Variants in SRGAP3 observed in about 807,000 individuals in gnomAD.
The protein encoded by SRGAP3 is SLIT-ROBO Rho GTPase activating protein 3.
SRGAP3 carries 39 observed loss-of-function variants against 121.1 expected under a neutral mutation model. The observed-to-expected ratio is 0.32, with a 90% CI of 0.25 to 0.42. The LOEUF (loss-of-function observed/expected upper bound fraction) is 0.42. Ranked by LOEUF, SRGAP3 falls within the 10% of genes least tolerant of loss-of-function variation. SRGAP3 has a pLI of 1.00. For synonymous variants in SRGAP3, 601 were observed against 570.0 expected (o/e 1.05, Z -0.77); for missense variants, 1,213 against 1,470.6 (o/e 0.82, Z 2.86).
chr3:9,283,192 T>C (rs1474991441), intron 3 of SRGAP3, among the ~76,000 whole-genome samples: 1 of 152,050 alleles, frequency 6.6e-6, no homozygotes, highest in Non-Finnish European at 1.5e-5. Context: ...CCACCCCCCC[T>C]CGGCCTCCCA....
intron 1 of SRGAP3, among the ~76,000 whole-genome samples, chr3:9,187,574 G>A (rs1354009623): frequency 6.6e-6 from 1 of 152,170 alleles, no homozygotes; most frequent in Non-Finnish European, 1.5e-5. Flanking sequence ...TAAGAAGTCA[G>A]CCACTGTCTC....
chr3:9,040,109 G>C (rs1330491505), intron 10 of SRGAP3, among the ~76,000 whole-genome samples: 1 of 152,112 alleles, frequency 6.6e-6, no homozygotes, highest in African/African-American at 2.4e-5. Flanking sequence ...CTTAGTCCAT[G>C]CCATGCTTGT....
chr3:9,310,464 G>A (rs1030635521), intron 3 of SRGAP3, among the ~76,000 whole-genome samples: 1 of 152,162 alleles, frequency 6.6e-6, no homozygotes, highest in African/African-American at 2.4e-5. Flanking sequence ...TGACCACAGA[G>A]ACTGGCTTAG....
At chr3:9,042,971 T>C (rs934341161) in intron 10 of SRGAP3, among the ~76,000 whole-genome samples, 19 of 152,128 alleles carry the variant, frequency 1.2e-4, no homozygotes, top group Admixed American at 6.5e-5. Context: ...TTTCCCTGGT[T>C]TTTCACTTGG....
intron 3 of SRGAP3, among the ~76,000 whole-genome samples, chr3:9,258,970 T>A (rs115702394): frequency 2.2e-4 from 34 of 152,336 alleles, no homozygotes; most frequent in African/African-American, 7.7e-4. Flanking sequence ...AAGAGTTGAA[T>A]GCACGCTCCT....
chr3:9,206,514 C>T (rs557253032), intron 1 of SRGAP3, among the ~76,000 whole-genome samples: 1 of 152,330 alleles, frequency 6.6e-6, no homozygotes, highest in African/African-American at 2.4e-5. Context: ...GGTTATGGCC[C>T]CTCGATGCCT....
intron 3 of SRGAP3, among the ~76,000 whole-genome samples, chr3:9,256,196 C>G (rs1160036084): frequency 6.6e-6 from 1 of 152,224 alleles, no homozygotes; most frequent in Non-Finnish European, 1.5e-5. Context: ...CCAAGGTCCT[C>G]TGGCTTTCTA....
rs189375088 is a variant in SRGAP3 at position 9,303,268 on chromosome 3, T to C, written n.442+22742A>G. Among the ~76,000 whole-genome samples the C allele has an allele frequency of 6.9e-3, 1,053 of 152,004 alleles. 19 individuals are homozygous for C. Among genetic ancestry groups the C allele is most frequent in the African/African-American group, 0.024 (995 of 41,458 alleles). ...GGTAAAACCCCATCTCTACTAAAAG[T>C]ACGCAAATTAGCTGGGCATGGTGGC... On this transcript the variant is annotated intron_variant and non_coding_transcript_variant, in intron 3 of 3. Coordinates refer to the SRGAP3 transcript ENST00000490889.
chr3:9,346,043 T>C (rs932336700), intron 1 of SRGAP3, among the ~76,000 whole-genome samples: 3 of 152,198 alleles, frequency 2.0e-5, no homozygotes, highest in African/African-American at 4.8e-5. Flanking sequence ...CATTATTAAC[T>C]GTAATTAAAA....
intron 1 of SRGAP3, among the ~76,000 whole-genome samples, chr3:9,246,517 C>A (rs1283240484): frequency 6.6e-6 from 1 of 152,148 alleles, no homozygotes; most frequent in African/African-American, 2.4e-5. Flanking sequence ...GGAACACAAG[C>A]CTGGGAGAAA....
At chr3:9,228,909 A>G (rs573678491) in intron 1 of SRGAP3, among the ~76,000 whole-genome samples, 49 of 151,692 alleles carry the variant, frequency 3.2e-4, no homozygotes, top group African/African-American at 1.1e-3. Flanking sequence ...AAAAATACAA[A>G]AAATTAGCCG....
chr3:9,310,640 T>G (rs1056036264), intron 3 of SRGAP3, among the ~76,000 whole-genome samples: 1 of 152,084 alleles, frequency 6.6e-6, no homozygotes, highest in African/African-American at 2.4e-5. Context: ...AGTTGATACC[T>G]CAAGAAAAGA....
intron 3 of SRGAP3, among the ~76,000 whole-genome samples, chr3:9,297,647 G>A (rs1954973531): frequency 6.6e-6 from 1 of 152,068 alleles, no homozygotes; most frequent in Non-Finnish European, 1.5e-5. Context: ...TATAATCCCA[G>A]CACTTTGGGA....
intron 3 of SRGAP3, among the ~76,000 whole-genome samples, chr3:9,091,641 C>G (rs1947761133): frequency 6.6e-6 from 1 of 152,166 alleles, no homozygotes; most frequent in Admixed American, 6.5e-5. Context: ...GGAAGGTCCA[C>G]GTACCCCTGA....
chr3:9,279,331 G>C (rs17745206), intron 3 of SRGAP3, among the ~76,000 whole-genome samples: 36,483 of 151,812 alleles, frequency 0.24, 5,547 homozygotes, highest in Admixed American at 0.37. Flanking sequence ...TACCTGAAAA[G>C]GGGATAAACA....
chr3:9,338,975 G>T (rs914966051), intron 1 of SRGAP3, among the ~76,000 whole-genome samples: 1 of 152,210 alleles, frequency 6.6e-6, no homozygotes, highest in African/African-American at 2.4e-5. Flanking sequence ...CTGGAAGCTA[G>T]TACTTACGAA....
At chr3:9,081,789 T>C (rs1317139711) in intron 3 of SRGAP3, among the ~76,000 whole-genome samples, 2 of 152,198 alleles carry the variant, frequency 1.3e-5, no homozygotes, top group East Asian at 1.9e-4. Context: ...TCTAGAATTC[T>C]TTGTTATTTT....
intron 2 of SRGAP3, among the ~76,000 whole-genome samples, chr3:9,118,186 A>C (rs1218397695): frequency 6.6e-6 from 1 of 152,164 alleles, no homozygotes; most frequent in Non-Finnish European, 1.5e-5. Context: ...CTGTGGTCAA[A>C]TAGCTTTCAG....
chr3:9,134,713 C>T (rs1461524477), intron 1 of SRGAP3, among the ~76,000 whole-genome samples: 2 of 152,120 alleles, frequency 1.3e-5, no homozygotes, highest in South Asian at 2.1e-4. Context: ...CCTGTTGTAC[C>T]TCCTGTCTCC....
Sources: allele counts gnomAD v4.1 joint callset (sites outside exome capture counted in the v4.1 genomes callset), GRCh38; gene constraint gnomAD v4.1.1; transcripts MANE v1.5; gene names NCBI Gene and HGNC (gene_info 2026-07-23, HGNC 2026-07-21).